ATXN2: variants seen among roughly 807,000 people sequenced by gnomAD.
ATXN2 encodes ataxin-2.
In ATXN2, 37 loss-of-function variants were observed where a neutral mutation model predicts 138.6. The ratio of observed to expected loss-of-function variants is 0.27; its 90% CI spans 0.21 to 0.35. The LOEUF (loss-of-function observed/expected upper bound fraction) is 0.35. Ranked by LOEUF, ATXN2 falls within the 10% of genes least tolerant of loss-of-function variation. ATXN2 has a pLI of 1.00. For missense variants in ATXN2, 1,216 were observed against 1,480.3 expected (o/e 0.82, Z 2.93); for synonymous variants, 549 against 543.7 (o/e 1.01, Z -0.13).
intron 1 of ATXN2, among the ~76,000 whole-genome samples, chr12:111,564,452 T>C (rs1276698022): frequency 2.0e-5 from 3 of 150,700 alleles, no homozygotes; most frequent in African/African-American, 7.4e-5. Flanking sequence ...TCCTCAAGAG[T>C]TGCTTATGGT....
intron 6 of ATXN2, among the ~76,000 whole-genome samples, chr12:111,521,778 C>G (rs1441145386): frequency 6.6e-6 from 1 of 152,034 alleles, no homozygotes; most frequent in Admixed American, 6.6e-5. Context: ...TGGGGGGGAG[C>G]CAGGGGCAAG....
At position 111,470,500 on chromosome 12, in the gene ATXN2, A is replaced by G. The variant is rs879105959; in HGVS notation, c.2709+58T>C. On this transcript the variant is annotated intron_variant, in intron 19 of 24. Transcript: ENST00000673436. ...AATTATAAAGGAAAATCCCTTTACC[A>G]TATTAAAAGTTTTTTTATATGGTAC... 4.6e-5 allele frequency: 73 copies of G among 1,570,054 alleles called. No individual in the cohort carries two copies. The South Asian group carries it at 6.4e-4, about 14-fold the overall frequency.
intron 1 of ATXN2, among the ~76,000 whole-genome samples, chr12:111,586,140 G>C (rs1211261122): frequency 2.6e-5 from 4 of 151,804 alleles, no homozygotes; most frequent in Non-Finnish European, 4.4e-5. Flanking sequence ...CCTGGGCTCA[G>C]GTAATCTGCC....
At chr12:111,454,528 GTC>G (rs1874915625) in intron 23 of ATXN2, 1 of 155,496 alleles carries the variant, frequency 6.4e-6, no homozygotes, top group South Asian at 2.0e-4. Context: ...CCAGCCCAGC[GTC>G]TCTGTACCAA....
At chr12:111,557,118 A>G (rs1229323465) in intron 1 of ATXN2, among the ~76,000 whole-genome samples, 1 of 152,240 alleles carries the variant, frequency 6.6e-6, no homozygotes, top group Non-Finnish European at 1.5e-5. Flanking sequence ...AAACATCATT[A>G]AAGTGAAATG....
chr12:111,490,515 C>A (rs1049793846), intron 14 of ATXN2, among the ~76,000 whole-genome samples: 13 of 151,878 alleles, frequency 8.6e-5, no homozygotes, highest in African/African-American at 3.1e-4. Context: ...ATTCTAAACC[C>A]CTAAGTAAAA....
At chr12:111,480,123 C>T (rs1877124830) in intron 18 of ATXN2, among the ~76,000 whole-genome samples, 1 of 150,656 alleles carries the variant, frequency 6.6e-6, no homozygotes, top group Non-Finnish European at 1.5e-5. Context: ...TAATAAAGTA[C>T]AGTTGGACAG....
intron 14 of ATXN2, among the ~76,000 whole-genome samples, chr12:111,498,489 A>C (rs1423819395): frequency 6.6e-6 from 1 of 152,196 alleles, no homozygotes. Flanking sequence ...AAATATAATA[A>C]AATACTTAGG....
chr12:111,572,533 C>A (rs1883386718), intron 1 of ATXN2, among the ~76,000 whole-genome samples: 2 of 152,090 alleles, frequency 1.3e-5, no homozygotes, highest in South Asian at 4.1e-4. Flanking sequence ...AGGGGTAACC[C>A]AACACAAGTA....
At chr12:111,489,590 T>A (rs1161768649) in intron 14 of ATXN2, among the ~76,000 whole-genome samples, 2 of 146,524 alleles carry the variant, frequency 1.4e-5, no homozygotes, top group Non-Finnish European at 3.0e-5. Context: ...CCAGCCTGGG[T>A]GACAGAGCGA....
chr12:111,587,542 G>A (rs1012694111), intron 1 of ATXN2, among the ~76,000 whole-genome samples: 1 of 151,986 alleles, frequency 6.6e-6, no homozygotes, highest in African/African-American at 2.4e-5. Context: ...TGTAGTTCCA[G>A]CTACTCGGGA....
chr12:111,510,221 A>G (rs550254559), intron 12 of ATXN2, among the ~76,000 whole-genome samples, 164 bp downstream of exon 12: 1 of 152,338 alleles, frequency 6.6e-6, no homozygotes, highest in African/African-American at 2.4e-5. Flanking sequence ...ACTATATTAA[A>G]TTAGTAGTAT....
intron 9 of ATXN2, 116 bp downstream of exon 9, chr12:111,518,133 C>G: frequency 1.1e-6 from 1 of 923,832 alleles, no homozygotes; most frequent in Non-Finnish European, 1.5e-6. Context: ...GTGAAAGCTA[C>G]TCACCAAATC....
At chr12:111,571,503 T>C (rs548872310) in intron 1 of ATXN2, among the ~76,000 whole-genome samples, 3 of 152,104 alleles carry the variant, frequency 2.0e-5, no homozygotes, top group Non-Finnish European at 4.4e-5. Context: ...GGATCTCGAA[T>C]GGCAGAACAA....
At chr12:111,527,773 C>T (rs559639917) in intron 5 of ATXN2, among the ~76,000 whole-genome samples, 1 of 152,282 alleles carries the variant, frequency 6.6e-6, no homozygotes, top group African/African-American at 2.4e-5. Context: ...GAGACTAATG[C>T]TATCTTACCA....
At position 111,598,255 on chromosome 12, in the gene ATXN2, G is replaced by A; in HGVS notation, c.251+529C>T. On this transcript the variant is annotated intron_variant, in intron 1 of 24. Coordinates refer to ENST00000673436, the MANE Select transcript of ATXN2 (RefSeq NM_001372574.1). This position sits in a 1 kb window ranked among gnomAD's most constrained non-coding sequence, Gnocchi z 4.5. Reference sequence around the variant, plus strand: ...AGCCCCGACAGACCCTGATGATTCCGGAGGAGCCCGGTGCCTACCCCTTTA... The same window carrying A: ...AGCCCCGACAGACCCTGATGATTCCAGAGGAGCCCGGTGCCTACCCCTTTA... The A allele has an allele frequency of 1.9e-6, 2 of 1,026,932 alleles. No individual in the cohort carries two copies. Among genetic ancestry groups the A allele is most frequent in the East Asian group, 9.1e-5 (1 of 11,042 alleles). The allele number at this position is 1,026,932 out of a possible 1,614,324, so 63.6% of individuals were successfully genotyped here.
intron 1 of ATXN2, among the ~76,000 whole-genome samples, chr12:111,582,992 TG>T (rs1349281213): frequency 0.012 from 895 of 74,008 alleles, 13 homozygotes; most frequent in African/African-American, 0.044. Context: ...TTTTTTTGTT[TG>T]TTTTTTTTTT....
At chr12:111,455,229 C>A (rs1874989015) in intron 23 of ATXN2, 2 of 674,492 alleles carry the variant, frequency 3.0e-6, no homozygotes, top group South Asian at 1.5e-5. Context: ...TCACCCGTAA[C>A]AGCCCCAGGG....
intron 1 of ATXN2, among the ~76,000 whole-genome samples, chr12:111,556,161 A>T (rs1882377118): frequency 6.6e-6 from 1 of 152,156 alleles, no homozygotes; most frequent in Non-Finnish European, 1.5e-5. Flanking sequence ...CTTCATCAAA[A>T]TCAAATAAAT....
Sources: allele counts gnomAD v4.1 joint callset (sites outside exome capture counted in the v4.1 genomes callset), GRCh38; gene constraint gnomAD v4.1.1; non-coding constraint Gnocchi (gnomAD v3.1); transcripts MANE v1.5; gene names NCBI Gene and HGNC (gene_info 2026-07-23, HGNC 2026-07-21).